Variants in SLC23A2 observed in about 807,000 individuals in gnomAD.
The protein encoded by SLC23A2 is Na(+)/L-ascorbic acid transporter 2.
SLC23A2 carries 36 observed loss-of-function variants against 73.3 expected under a neutral mutation model. The observed-to-expected ratio is 0.49, with a 90% CI of 0.38 to 0.65. The LOEUF is 0.65. Among genes scored for constraint, SLC23A2 ranks in the 30% least tolerant of loss-of-function variants. SLC23A2 has a pLI of 0.00. For synonymous variants in SLC23A2, 343 were observed against 327.3 expected (o/e 1.05, Z -0.52); for missense variants, 507 against 841.6 (o/e 0.60, Z 4.92).
chr20:4,960,816 T>C (rs1256153350), intron 2 of SLC23A2, among the ~76,000 whole-genome samples: 1 of 152,144 alleles, frequency 6.6e-6, no homozygotes, highest in Non-Finnish European at 1.5e-5. Flanking sequence ...AAAAACAAAA[T>C]ACCTGAAGCA....
chr20:4,980,093 T>C (rs1326527430), intron 1 of SLC23A2, among the ~76,000 whole-genome samples: 1 of 152,186 alleles, frequency 6.6e-6, no homozygotes, highest in Non-Finnish European at 1.5e-5. Context: ...GATTCCATTC[T>C]TCACTCAAAT....
chr20:4,993,275 C>A (rs1467999501), intron 1 of SLC23A2, among the ~76,000 whole-genome samples: 5 of 147,722 alleles, frequency 3.4e-5, no homozygotes, highest in African/African-American at 7.5e-5. Flanking sequence ...GCCACTGCAC[C>A]CCAGCCTGGG....
rs1012455229 is a variant in SLC23A2 at position 4,998,419 on chromosome 20, G to A, written c.-282+2987C>T. On this transcript the variant is annotated intron_variant, in intron 1 of 16. Coordinates refer to ENST00000338244, the MANE Select transcript of SLC23A2 (RefSeq NM_005116.6). The surrounding 1 kb of genome is among the most constrained non-coding windows in gnomAD (Gnocchi z 4.1). Reference sequence around the variant, plus strand: ...GAGCCAAGAACCTAGAACCTGTGACGAAATAACAGGTTCAAAATAGCAAAG... The same window carrying A: ...GAGCCAAGAACCTAGAACCTGTGACAAAATAACAGGTTCAAAATAGCAAAG... Among the ~76,000 whole-genome samples the A allele has an allele frequency of 2.0e-5, 3 of 152,160 alleles. No homozygotes were observed. The highest frequency in any genetic ancestry group is 6.6e-5 in the Admixed American group (1 of 15,262).
intron 2 of SLC23A2, among the ~76,000 whole-genome samples, chr20:4,967,898 C>CTT (rs2087499329): frequency 6.6e-6 from 1 of 152,184 alleles, no homozygotes; most frequent in Non-Finnish European, 1.5e-5. Flanking sequence ...ACTCAACAAT[C>CTT]ACCTGTATGT....
rs190775085 is a variant in SLC23A2 at position 4,862,041 on chromosome 20, A to C, written c.1531T>G (p.Leu511Val). 3 of 1,614,198 alleles carry C rather than the reference A, an allele frequency of 1.9e-6. No homozygotes were observed. The highest frequency in any genetic ancestry group is 3.3e-5 in the Admixed American group (2 of 60,028). The change falls in exon 15 of 17, where the codon TTA (leucine) becomes GTA (valine). Residue 511 changes from leucine to valine, a missense_variant. Physicochemically the swap from Leu to Val is conservative, Grantham distance 32. Around this residue, in one of 5 missense-constraint regions of SLC23A2, gnomAD observed 168 missense variants for 302.3 expected, o/e 0.56. Transcript: ENST00000338244. This position sits in a 1 kb window ranked among gnomAD's most constrained non-coding sequence, Gnocchi z 5.1. ...ACAAAGAGGTTCCGGGAAGAATTTA[A>C]ATCAATGAACTGCAGGTTAGAGAGG... Reference protein sequence around the residue: ...VGLSNLQFIDLNSSRNLFVLG... With the variant: ...VGLSNLQFIDVNSSRNLFVLG...
chr20:4,865,747 G>A (rs765723590), intron 13 of SLC23A2, among the ~76,000 whole-genome samples: 4 of 152,098 alleles, frequency 2.6e-5, no homozygotes, highest in Non-Finnish European at 5.9e-5. Flanking sequence ...AACCACAGAC[G>A]CTTAACTCCC....
chr20:4,884,784 G>A lies in SLC23A2; in HGVS notation c.611C>T (p.Thr204Ile), dbSNP rs1194796106. The change falls in exon 8 of 17, where the codon ACA (threonine) becomes ATA (isoleucine). Residue 204 changes from threonine to isoleucine, a missense_variant. This residue lies in a region of SLC23A2 where 217 missense variants were observed against 398.0 expected (regional missense o/e 0.55). Transcript: ENST00000338244. ...VANGTAELLH[T>I]EHIWYPRIRE... The stretch of plus-strand genomic sequence containing the variant: ...GATCCGGGGATACCAGATGTGTTCT[G>A]TGTGCAACAGCTCTGCTGTTCCATT... 6.3e-7 allele frequency: 1 copy of A among 1,592,950 alleles called. No homozygotes were observed. Among genetic ancestry groups the A allele is most frequent in the Non-Finnish European group, 8.5e-7 (1 of 1,174,108 alleles).
intron 3 of SLC23A2, among the ~76,000 whole-genome samples, chr20:4,918,723 G>T (rs1353722515): frequency 5.3e-5 from 8 of 152,054 alleles, no homozygotes; most frequent in Admixed American, 2.6e-4. Context: ...CAAGCGGAGG[G>T]CACTAGCACC....
chr20:4,858,589 C>A (rs1242929132), intron 16 of SLC23A2, among the ~76,000 whole-genome samples: 1 of 151,976 alleles, frequency 6.6e-6, no homozygotes, highest in African/African-American at 2.4e-5. Context: ...AACCTTTGAG[C>A]CTAAGAATAA....
chr20:4,897,337 A>C (rs2122861604), intron 6 of SLC23A2, among the ~76,000 whole-genome samples: 1 of 152,276 alleles, frequency 6.6e-6, no homozygotes, highest in South Asian at 2.1e-4. Context: ...CACCTGATTT[A>C]TGACTAAGCA....
At chr20:4,957,323 A>C (rs970905110) in intron 2 of SLC23A2, among the ~76,000 whole-genome samples, 2 of 152,020 alleles carry the variant, frequency 1.3e-5, no homozygotes, top group African/African-American at 4.8e-5. Flanking sequence ...TTACCTGGGC[A>C]TGGTGAGGTG....
chr20:4,856,953 C>A lies in SLC23A2; in HGVS notation c.*19G>T. The A allele has an allele frequency of 2.6e-6, 4 of 1,565,002 alleles. No homozygotes were observed. The highest frequency in any genetic ancestry group is 2.6e-6 in the Non-Finnish European group (3 of 1,136,894). ...AGATACATGCCTCACTGCGGCCAGG[C>A]CACAGGGCACAGCAAAGGCTATCCC... is the stretch of plus-strand genomic sequence containing the variant. On this transcript the variant is annotated 3_prime_UTR_variant, in exon 17 of 17. Transcript: ENST00000338244. This position sits in a 1 kb window ranked among gnomAD's most constrained non-coding sequence, Gnocchi z 4.6.
At chr20:4,958,910 T>C (rs946424967) in intron 2 of SLC23A2, among the ~76,000 whole-genome samples, 1 of 152,010 alleles carries the variant, frequency 6.6e-6, no homozygotes, top group African/African-American at 2.4e-5. Flanking sequence ...ATTCTTTGGA[T>C]TAAAAAGCTG....
rs1282687652 is a variant in SLC23A2, at chr20:4,854,029, T to C, written c.*2943A>G. 1.3e-5 allele frequency: 2 copies of C among 152,234 alleles called. No homozygotes were observed. The highest frequency in any genetic ancestry group is 2.1e-4 in the South Asian group (1 of 4,832). 9.4% of individuals were successfully genotyped at this position (152,234 alleles called of 1,614,324 possible). Reference sequence around the variant, plus strand: ...ACGCTGTCTACATTTCATGTTGGGATTGCCCACACAAATGCTTTCTTTCAG... The same window carrying C: ...ACGCTGTCTACATTTCATGTTGGGACTGCCCACACAAATGCTTTCTTTCAG... On this transcript the variant is annotated 3_prime_UTR_variant, in exon 17 of 17. Transcript: ENST00000338244.
At chr20:5,008,280 C>G (rs1398933874) in intron 1 of SLC23A2, among the ~76,000 whole-genome samples, 1 of 152,184 alleles carries the variant, frequency 6.6e-6, no homozygotes, top group African/African-American at 2.4e-5. Context: ...GCCTGGGCAA[C>G]AGAGTGAGAC....
chr20:4,928,551 C>G lies in SLC23A2; in HGVS notation c.108+3904G>C, dbSNP rs117518473. Among the ~76,000 whole-genome samples the G allele has an allele frequency of 1.5e-4, 23 of 152,234 alleles. No homozygotes were observed. The East Asian group carries it at 4.2e-3, about 28-fold the overall frequency. On this transcript the variant is annotated intron_variant, in intron 3 of 16. Coordinates refer to ENST00000338244, the MANE Select transcript of SLC23A2 (RefSeq NM_005116.6). ...GGGAGCTCATGTTTGGACTCTCTGC[C>G]ATCTCTATCCTTGGCATTTCTCCCC...
At chr20:4,912,424 T>C (rs1932188818) in intron 4 of SLC23A2, among the ~76,000 whole-genome samples, 1 of 152,050 alleles carries the variant, frequency 6.6e-6, no homozygotes, top group African/African-American at 2.4e-5. Context: ...TGCTAATAAC[T>C]TCACATATCA....
In SLC23A2 at chr20:4,973,169, C is replaced by T. The variant is rs937141330; in HGVS notation, c.-281-2250G>A. 3.9e-5 allele frequency among the ~76,000 whole-genome samples: 6 copies of T among 152,312 alleles called. No individual in the cohort carries two copies. The South Asian group carries it at 1.2e-3, about 32-fold the overall frequency. On this transcript the variant is annotated intron_variant, in intron 1 of 16. Transcript: ENST00000338244. Reference sequence around the variant, plus strand: ...AGGGCTGGCAAGGATACAGATCAAACTGCTTTGAAGTGGTGGGGGGACATA... The same window carrying T: ...AGGGCTGGCAAGGATACAGATCAAATTGCTTTGAAGTGGTGGGGGGACATA...
intron 2 of SLC23A2, among the ~76,000 whole-genome samples, chr20:4,948,041 C>A (rs2087144686): frequency 6.6e-6 from 1 of 152,182 alleles, no homozygotes; most frequent in Non-Finnish European, 1.5e-5. Flanking sequence ...CTCTTTCCAG[C>A]ACAGTCCCTG....
Sources: gnomAD v4.1 joint callset for allele counts (sites outside exome capture counted in the v4.1 genomes callset) on GRCh38, gnomAD v4.1.1 for gene constraint, gnomAD v4.1.1 regional missense constraint, Gnocchi (gnomAD v3.1) non-coding constraint, MANE v1.5 for transcripts, NCBI Gene and HGNC (gene_info 2026-07-23, HGNC 2026-07-21) for gene names.